SLC6A6: variants seen among roughly 807,000 people sequenced by gnomAD.
The protein encoded by SLC6A6 is sodium- and chloride-dependent taurine transporter.
Under a neutral mutation model 68.8 loss-of-function variants are expected in SLC6A6, and 16 were observed. That is an observed-to-expected ratio of 0.23 (90% CI 0.16 to 0.35). The LOEUF (loss-of-function observed/expected upper bound fraction) is 0.35, where lower values mean the gene tolerates loss of function less well. Ranked by LOEUF, SLC6A6 falls within the 10% of genes least tolerant of loss-of-function variation. SLC6A6 has a pLI of 1.00. For missense variants in SLC6A6, 474 were observed against 802.8 expected (o/e 0.59, Z 4.95); for synonymous variants, 312 against 315.4 (o/e 0.99, Z 0.12).
chr3:14,488,661 G>C lies in SLC6A6; in HGVS notation c.*3654G>C, dbSNP rs764841934. The C allele has an allele frequency of 2.0e-5, 3 of 152,172 alleles. No individual in the cohort carries two copies. The highest frequency in any genetic ancestry group is 4.4e-5 in the Non-Finnish European group (3 of 68,032). 9.4% of individuals were successfully genotyped at this position (152,172 alleles called of 1,614,324 possible). ...GTAAATACCACTGTGTGCAAAAATC[G>C]AAGTACAAAACCACAAGACTAAACA... On this transcript the variant is annotated 3_prime_UTR_variant, in exon 15 of 15. Transcript: ENST00000622186.
At chr3:14,441,967 G>A (rs1274468465) in intron 2 of SLC6A6, among the ~76,000 whole-genome samples, 2 of 152,244 alleles carry the variant, frequency 1.3e-5, no homozygotes, top group African/African-American at 4.8e-5. Flanking sequence ...TGAGGAGATA[G>A]ACGACAGGGA....
chr3:14,462,028 G>T (rs1361155127), intron 6 of SLC6A6, among the ~76,000 whole-genome samples: 1 of 152,242 alleles, frequency 6.6e-6, no homozygotes, highest in Admixed American at 6.5e-5. Context: ...GGGCTTTTGG[G>T]TCTAGGGCTC....
chr3:14,434,463 G>A (rs1265761889), intron 2 of SLC6A6, among the ~76,000 whole-genome samples: 1 of 152,214 alleles, frequency 6.6e-6, no homozygotes, highest in African/African-American at 2.4e-5. Flanking sequence ...CAGCTTGGTA[G>A]GGCTCACCCA....
chr3:14,450,035 C>T lies in SLC6A6; in HGVS notation c.599+2219C>T, dbSNP rs1700220288. On this transcript the variant is annotated intron_variant, in intron 5 of 14. Coordinates refer to ENST00000622186, the MANE Select transcript of SLC6A6 (RefSeq NM_003043.6). The surrounding 1 kb of genome is among the most constrained non-coding windows in gnomAD (Gnocchi z 4.1). ...AAAGTGCTGGGATTACAGGCGTGAG[C>T]CACTGTGCCTGGCCAGAATCCATTA... Among the ~76,000 whole-genome samples, 1 of 152,202 alleles carries T rather than the reference C, an allele frequency of 6.6e-6. No homozygotes were observed. The highest frequency in any genetic ancestry group is 1.9e-4 in the East Asian group (1 of 5,198).
chr3:14,426,973 G>A (rs1699614150), intron 2 of SLC6A6, among the ~76,000 whole-genome samples: 1 of 152,162 alleles, frequency 6.6e-6, no homozygotes. Context: ...CTTTAGTTCT[G>A]CTGCAGAGCG....
chr3:14,416,331 G>T (rs1343854754), intron 1 of SLC6A6, 81 bp from the exon 2 acceptor site: 1 of 398,388 alleles, frequency 2.5e-6, no homozygotes, highest in Admixed American at 4.4e-5. Flanking sequence ...TTACAAGTGG[G>T]TGGACAATTA....
At chr3:14,453,238 G>A (rs896031313) in intron 5 of SLC6A6, among the ~76,000 whole-genome samples, 6 of 152,218 alleles carry the variant, frequency 3.9e-5, no homozygotes, top group African/African-American at 1.4e-4. Context: ...GCAGCAGGGC[G>A]GCCGACTCAA....
rs761523099 is a variant in SLC6A6, at chr3:14,467,836, C to G, written c.868-17C>G. ...CAGCCCTCCTCTCTTTCCTTGCCACCTCCCTCCCCCTCATAGGTGTGGATT... is the reference window on the plus strand; with the variant it reads ...CAGCCCTCCTCTCTTTCCTTGCCACGTCCCTCCCCCTCATAGGTGTGGATT... On this transcript the variant is annotated splice_polypyrimidine_tract_variant and intron_variant, in intron 7 of 14. Transcript: ENST00000622186. 6.5e-7 allele frequency: 1 copy of G among 1,541,338 alleles called. No individual in the cohort carries two copies. The highest frequency in any genetic ancestry group is 8.9e-7 in the Non-Finnish European group (1 of 1,123,480).
intron 2 of SLC6A6, among the ~76,000 whole-genome samples, chr3:14,417,082 C>T (rs567190075): frequency 9.8e-4 from 149 of 152,348 alleles, no homozygotes; most frequent in African/African-American, 3.5e-3. Context: ...CCTCCAATCC[C>T]TGCACTTTGG....
In SLC6A6 at chr3:14,443,725, G is replaced by C. The variant is rs747752099; in HGVS notation, c.91G>C (p.Glu31Gln). 3.1e-6 allele frequency: 5 copies of C among 1,614,052 alleles called. No homozygotes were observed. Among genetic ancestry groups the C allele is most frequent in the Non-Finnish European group, 3.4e-6 (4 of 1,179,986 alleles). Residue 31 changes from glutamate to glutamine, a missense_variant, in exon 3 of 15, where the codon GAG (glutamate) becomes CAG (glutamine). Glu to Gln is a conservative substitution (Grantham distance 29, BLOSUM62 2). Around this residue, in one of 2 missense-constraint regions of SLC6A6, gnomAD observed 280 missense variants for 533.1 expected, o/e 0.53. Coordinates refer to ENST00000622186, the MANE Select transcript of SLC6A6 (RefSeq NM_003043.6). ...SPGKSPGTRP[E>Q]DEAEGKPPQR... ...AGGGAAGAGCCCAGGCACGCGGCCT[G>C]AGGACGAGGCTGAGGGAAAACCTCC...
chr3:14,430,375 A>G (rs1490135281), intron 2 of SLC6A6, among the ~76,000 whole-genome samples: 1 of 151,962 alleles, frequency 6.6e-6, no homozygotes, highest in Non-Finnish European at 1.5e-5. Flanking sequence ...CTTGGGCCAC[A>G]CCACGAGTGA....
intron 5 of SLC6A6, among the ~76,000 whole-genome samples, chr3:14,451,978 C>CTTTCACTTCTCTTATA (rs1700261836): frequency 6.6e-6 from 1 of 152,204 alleles, no homozygotes; most frequent in Non-Finnish European, 1.5e-5. Context: ...GCATAGGTCC[C>CTTTCACTTCTCTTATA]TGGCCCGTCC....
At chr3:14,436,531 C>CTTT (rs58996264) in intron 2 of SLC6A6, among the ~76,000 whole-genome samples, 59 of 112,514 alleles carry the variant, frequency 5.2e-4, no homozygotes, top group East Asian at 3.0e-3. Context: ...CAACAACTCC[C>CTTT]TTTTTTTTTT....
chr3:14,476,180 G>A (rs911483125), intron 10 of SLC6A6, among the ~76,000 whole-genome samples: 2 of 152,214 alleles, frequency 1.3e-5, no homozygotes, highest in African/African-American at 4.8e-5. Flanking sequence ...GTGCTGCTGT[G>A]TGCTCTTTAA....
intron 6 of SLC6A6, among the ~76,000 whole-genome samples, chr3:14,463,725 C>T (rs1176475659): frequency 6.6e-6 from 1 of 152,224 alleles, no homozygotes; most frequent in African/African-American, 2.4e-5. Context: ...CCACGTCTGC[C>T]TTCCCATCCT....
At chr3:14,410,045 G>T (rs894364969) in intron 1 of SLC6A6, among the ~76,000 whole-genome samples, 1 of 152,040 alleles carries the variant, frequency 6.6e-6, no homozygotes, top group Non-Finnish European at 1.5e-5. Flanking sequence ...AATTAGTCAG[G>T]TGCAGTGGTG....
intron 11 of SLC6A6, among the ~76,000 whole-genome samples, chr3:14,478,089 T>C (rs74852651): frequency 7.9e-4 from 120 of 152,150 alleles, no homozygotes; most frequent in African/African-American, 2.8e-3. Flanking sequence ...CATTTTTCCT[T>C]ACCAGAAGTA....
chr3:14,473,756 G>C (rs1396281760), intron 10 of SLC6A6, among the ~76,000 whole-genome samples: 3 of 152,210 alleles, frequency 2.0e-5, no homozygotes, highest in African/African-American at 7.2e-5. Flanking sequence ...ATCATTCCTA[G>C]TTAATGAGTT....
intron 1 of SLC6A6, among the ~76,000 whole-genome samples, chr3:14,415,887 C>T (rs866475266): frequency 4.6e-5 from 7 of 152,172 alleles, no homozygotes; most frequent in African/African-American, 1.4e-4. Flanking sequence ...TGTGTCCCTG[C>T]GCCCCTTGGG....
Sources: gnomAD v4.1 joint callset for allele counts (sites outside exome capture counted in the v4.1 genomes callset) on GRCh38, gnomAD v4.1.1 for gene constraint, gnomAD v4.1.1 regional missense constraint, Gnocchi (gnomAD v3.1) non-coding constraint, MANE v1.5 for transcripts, NCBI Gene and HGNC (gene_info 2026-07-23, HGNC 2026-07-21) for gene names.